Variants in ZMYM4 observed in about 807,000 individuals in gnomAD.
ZMYM4 encodes the protein zinc finger MYM-type containing 4, also known as zinc finger MYM-type protein 4.
In ZMYM4, 31 loss-of-function variants were observed where a neutral mutation model predicts 183.2. That is an observed-to-expected ratio of 0.17 (90% CI 0.13 to 0.23). ZMYM4 has a LOEUF of 0.23. Among genes scored for constraint, ZMYM4 ranks in the 10% least tolerant of loss-of-function variants. The probability of loss-of-function intolerance (pLI) is 1.00; values close to 1 mark genes in which losing one functional copy is unlikely to be tolerated. For missense variants in ZMYM4, 1,273 were observed against 1,840.3 expected, an observed-to-expected ratio of 0.69 and a Z score of 5.64; for synonymous variants, 592 against 631.2, an observed-to-expected ratio of 0.94 and a Z score of 0.93.
At chr1:35,409,966 A>G (rs1409185982) in intron 26 of ZMYM4, among the ~76,000 whole-genome samples, 1 of 151,888 alleles carries the variant, frequency 6.6e-6, no homozygotes, top group African/African-American at 2.4e-5. Context: ...ATTCTCATGC[A>G]GAATCATGGC....
At chr1:35,370,338 ATTTTTTTTTTTTT>A (rs35122134) in intron 6 of ZMYM4, 21 bp from the exon 7 acceptor site, 104 of 1,129,106 alleles carry the variant, frequency 9.2e-5, no homozygotes, top group South Asian at 1.6e-4. Flanking sequence ...TTTTCTTTCA[ATTTTTTTTTTTTT>A]TTTTTTTTTT....
chr1:35,380,597 A>T (rs1295310006), intron 7 of ZMYM4, among the ~76,000 whole-genome samples: 1 of 152,182 alleles, frequency 6.6e-6, no homozygotes, highest in African/African-American at 2.4e-5. Context: ...AAGCGTTGGG[A>T]TTACAGGCGT....
chr1:35,282,670 C>T (rs897554291), intron 1 of ZMYM4, among the ~76,000 whole-genome samples: 11 of 152,094 alleles, frequency 7.2e-5, no homozygotes, highest in Non-Finnish European at 1.3e-4. Flanking sequence ...GTCCTCCCAC[C>T]TCAGCCCCAC....
intron 26 of ZMYM4, among the ~76,000 whole-genome samples, chr1:35,410,194 C>G (rs1258055136): frequency 3.9e-5 from 6 of 152,108 alleles, no homozygotes; most frequent in Non-Finnish European, 7.4e-5. Context: ...AGAATAGCAT[C>G]AAGCCAGTCA....
In ZMYM4 at chr1:35,415,460, G is replaced by A. The variant is rs75807555; in HGVS notation, c.4061-6G>A. 1.5e-3 allele frequency: 2,386 copies of A among 1,614,152 alleles called. 29 individuals carry two copies. In the African/African-American group the frequency reaches 0.028, roughly 19 times the overall value. On this transcript the variant is annotated splice_polypyrimidine_tract_variant and splice_region_variant and intron_variant, in intron 27 of 29. Coordinates refer to ENST00000314607, the MANE Select transcript of ZMYM4 (RefSeq NM_005095.3). ...TACTGTTTCTTGTACCCCTTCTTCT[G>A]TCTAGGTTACATGTTCTCTCGCATT...
intron 2 of ZMYM4, among the ~76,000 whole-genome samples, chr1:35,334,573 C>A (rs752130914): frequency 2.0e-5 from 3 of 152,116 alleles, no homozygotes; most frequent in Non-Finnish European, 4.4e-5. Context: ...GAATGAATAT[C>A]TTTTGCCCTT....
At chr1:35,320,976 A>G (rs1642257594) in intron 1 of ZMYM4, among the ~76,000 whole-genome samples, 1 of 152,102 alleles carries the variant, frequency 6.6e-6, no homozygotes, top group Non-Finnish European at 1.5e-5. Context: ...TTTAATTTTT[A>G]ACATTATTCT....
intron 1 of ZMYM4, among the ~76,000 whole-genome samples, chr1:35,315,052 A>G (rs1035638768): frequency 7.1e-6 from 1 of 141,770 alleles, no homozygotes. Context: ...AACAAAAAAA[A>G]CAAAAGTAAT....
In ZMYM4 at chr1:35,419,843, T is replaced by C. The variant is rs958542023; in HGVS notation, c.*166T>C. ...CACAGTGTGGATGTGCAAATGAAAA[T>C]TGAAGGAAAGAATATGAACTGAGAA... On this transcript the variant is annotated 3_prime_UTR_variant, in exon 30 of 30. Coordinates refer to ENST00000314607, the MANE Select transcript of ZMYM4 (RefSeq NM_005095.3). The C allele has an allele frequency of 6.0e-6, 4 of 663,122 alleles. No individual in the cohort carries two copies. The highest frequency in any genetic ancestry group is 5.7e-5 in the Admixed American group (2 of 34,960). 41.1% of individuals were successfully genotyped at this position (663,122 alleles called of 1,614,324 possible).
rs1426277627 is a variant in ZMYM4 at position 35,373,409 on chromosome 1, G to T, written c.1181+2782G>T. Among the ~76,000 whole-genome samples, 5 of 143,768 alleles carry T rather than the reference G, an allele frequency of 3.5e-5. No individual in the cohort carries two copies. In the South Asian group the frequency reaches 1.1e-3, roughly 31 times the overall value. 94.3% of individuals were successfully genotyped at this position (143,768 alleles called of 152,430 possible). A position where few individuals can be genotyped will look rare whatever the true frequency, so the allele number is the denominator to read the frequency against. ...TTTTTTTTTGAGACCGAGTCTCGCC[G>T]CTCTGTCGCCCAGGCTGGAGTGCAG... On this transcript the variant is annotated intron_variant, in intron 7 of 29. Transcript: ENST00000314607.
chr1:35,277,915 C>T (rs1192075872), intron 1 of ZMYM4, among the ~76,000 whole-genome samples: 1 of 151,968 alleles, frequency 6.6e-6, no homozygotes, highest in Non-Finnish European at 1.5e-5. Flanking sequence ...TTTTGGTGTT[C>T]AATTTGTTGT....
At chr1:35,402,667 A>G (rs1467124402) in intron 23 of ZMYM4, among the ~76,000 whole-genome samples, 2 of 152,206 alleles carry the variant, frequency 1.3e-5, no homozygotes, top group Non-Finnish European at 1.5e-5. Context: ...ACTAGTATAT[A>G]GAAATATAGA....
chr1:35,278,938 T>A (rs1355106399), intron 1 of ZMYM4, among the ~76,000 whole-genome samples: 1 of 152,110 alleles, frequency 6.6e-6, no homozygotes, highest in African/African-American at 2.4e-5. Context: ...AGATAGACAT[T>A]CCCATTCAAA....
chr1:35,362,533 T>C (rs1643963039), intron 5 of ZMYM4, among the ~76,000 whole-genome samples: 1 of 152,140 alleles, frequency 6.6e-6, no homozygotes, highest in Non-Finnish European at 1.5e-5. Flanking sequence ...ATAGCAGCAA[T>C]TATTTGAGGG....
intron 15 of ZMYM4, among the ~76,000 whole-genome samples, chr1:35,391,302 G>T (rs555703541): frequency 1.3e-5 from 2 of 152,280 alleles, no homozygotes; most frequent in East Asian, 3.9e-4. Context: ...ACCTGTAGGA[G>T]GTCATCTCTC....
At position 35,269,013 on chromosome 1, in the gene ZMYM4, C is replaced by T. The variant is rs1639449764; in HGVS notation, c.-34C>T. 6.6e-7 allele frequency: 1 copy of T among 1,521,472 alleles called. No individual in the cohort carries two copies. The highest frequency in any genetic ancestry group is 1.4e-5 in the African/African-American group (1 of 70,152). The allele number at this position is 1,521,472 out of a possible 1,614,324, so 94.2% of individuals were successfully genotyped here. ...GCCGAGAGGTACCGCCGCCACCGCGCGGGGAGCCGCAGCGGTTCCGAGCGG... is the reference window on the plus strand; with the variant it reads ...GCCGAGAGGTACCGCCGCCACCGCGTGGGGAGCCGCAGCGGTTCCGAGCGG... On this transcript the variant is annotated 5_prime_UTR_variant, in exon 1 of 30. Transcript: ENST00000314607.
intron 2 of ZMYM4, among the ~76,000 whole-genome samples, chr1:35,352,386 G>GCACACACACACACACACA (rs374281470): frequency 1.6e-5 from 2 of 128,394 alleles, no homozygotes; most frequent in Admixed American, 7.8e-5. Context: ...AAAAATTAGC[G>GCACACACACACACACACA]CACACACACA....
At chr1:35,304,638 AT>A (rs150115066) in intron 1 of ZMYM4, among the ~76,000 whole-genome samples, 470 of 121,474 alleles carry the variant, frequency 3.9e-3, no homozygotes, top group Non-Finnish European at 4.9e-3. Context: ...TTTTTTTTGT[AT>A]TTTTTTTTTT....
chr1:35,370,725 TC>T, intron 7 of ZMYM4, 98 bp downstream of exon 7: 2 of 767,398 alleles, frequency 2.6e-6, no homozygotes, highest in Non-Finnish European at 3.4e-6. Context: ...CTACATTTAT[TC>T]CTTTTTTTTT....
Sources: allele counts gnomAD v4.1 joint callset (sites outside exome capture counted in the v4.1 genomes callset), GRCh38; gene constraint gnomAD v4.1.1; transcripts MANE v1.5; gene names NCBI Gene and HGNC (gene_info 2026-07-23, HGNC 2026-07-21).